Variants in GPR142 observed in about 807,000 individuals in gnomAD.
GPR142 encodes G-protein coupled receptor 142 long form.
In GPR142, 9 loss-of-function variants were observed where a neutral mutation model predicts 10.6. The ratio of observed to expected loss-of-function variants is 0.85; its 90% CI spans 0.51 to 1.48. The LOEUF (loss-of-function observed/expected upper bound fraction) is 1.48, where lower values mean the gene tolerates loss of function less well. Ranked by LOEUF, GPR142 falls within the 40% of genes most tolerant of loss-of-function variation. GPR142 has a pLI of 0.00. For synonymous variants in GPR142, 202 were observed against 221.2 expected, an observed-to-expected ratio of 0.91 and a Z score of 0.77; for missense variants, 482 against 506.0, an observed-to-expected ratio of 0.95 and a Z score of 0.45.
In GPR142 at chr17:74,371,659, G is replaced by A. The variant is rs534043425; in HGVS notation, c.254-70G>A. 299 of 1,464,586 alleles carry A rather than the reference G, an allele frequency of 2.0e-4. No individual in the cohort carries two copies. The African/African-American group carries it at 2.7e-3, about 13-fold the overall frequency. The allele number at this position is 1,464,586 out of a possible 1,614,324, so 90.7% of individuals were successfully genotyped here. A position where few individuals can be genotyped will look rare whatever the true frequency, so the allele number is the denominator to read the frequency against. On this transcript the variant is annotated intron_variant, in intron 3 of 3. Transcript: ENST00000582579. The stretch of plus-strand genomic sequence containing the variant: ...CATGCAGATGGGGAGGTGCGATGGC[G>A]ACACCTTGGAAAGCAGAGTCTGAGC...
In GPR142 at chr17:74,367,690, CAG is replaced by C. The variant is rs751967970; in HGVS notation, c.-177_-176del. On this transcript the variant is annotated 5_prime_UTR_variant, in exon 1 of 4. The change abolishes the stop of an existing upstream ORF in the 5' untranslated region. Coordinates refer to ENST00000582579, the MANE Select transcript of GPR142 (RefSeq NM_001331076.1). ...AGGTGGCTGAGGTCTCCACAGGTCA[CAG>C]GGGGAAGCTGGGACCTCCGAATAAG... 4 of 1,613,186 alleles carry C rather than the reference CAG, an allele frequency of 2.5e-6. No homozygotes were observed. The highest frequency in any genetic ancestry group is 1.3e-5 in the African/African-American group (1 of 74,424).
chr17:74,372,202 G>A lies in GPR142; in HGVS notation c.727G>A (p.Val243Ile), dbSNP rs955094874. 1.7e-5 allele frequency: 28 copies of A among 1,614,090 alleles called. No homozygotes were observed. Among genetic ancestry groups the A allele is most frequent in the Non-Finnish European group, 2.3e-5 (27 of 1,179,958 alleles). ...VYFIPCGVFLVTNSAIIHRLR... is the reference protein window; with the variant it reads ...VYFIPCGVFLITNSAIIHRLR... ...TTTCATCCCTTGTGGCGTGTTCCTG[G>A]TCACCAACTCGGCCATCATCCACCG... Residue 243 changes from valine (V) to isoleucine (I), a missense_variant, in exon 4 of 4, where the codon GTC becomes ATC. By Grantham distance (29) the Val-to-Ile change is conservative. Coordinates refer to ENST00000582579, the MANE Select transcript of GPR142 (RefSeq NM_001331076.1).
In GPR142 at chr17:74,371,732, G is replaced by C. The variant is rs770311614; in HGVS notation, c.257G>C (p.Ser86Thr). 1.9e-6 allele frequency: 3 copies of C among 1,594,470 alleles called. No individual in the cohort carries two copies. The Admixed American group carries it at 5.0e-5, about 27-fold the overall frequency. ...SVLLGLGLPV[S>T]LLTAVALARL... ...CCCTCACCTCGGCTGCCCTCAGTCA[G>C]CCTCCTGACCGCAGTGGCCCTGGCG... Residue 86 changes from serine to threonine, a missense_variant, in exon 4 of 4, where the codon AGC becomes ACC. Coordinates refer to ENST00000582579, the MANE Select transcript of GPR142 (RefSeq NM_001331076.1).
At position 74,369,468 on chromosome 17, in the gene GPR142, G is replaced by T; in HGVS notation, c.-73G>T. 6.4e-7 allele frequency: 1 copy of T among 1,556,142 alleles called. No individual in the cohort carries two copies. The highest frequency in any genetic ancestry group is 1.2e-5 in the South Asian group (1 of 84,412). On this transcript the variant is annotated splice_region_variant and 5_prime_UTR_variant, in exon 2 of 4. Coordinates refer to ENST00000582579, the MANE Select transcript of GPR142 (RefSeq NM_001331076.1). ...CCCGCCCCGCCCCCTGCACTAACAG[G>T]CTCAGTGTCTGCGTAAGGATCCTGG...
chr17:74,370,522 T>C lies in GPR142; in HGVS notation c.96T>C (p.Ala32=). ...QSMGLEGRET[A]GQPRVTLLPT... is the part of the protein sequence containing the mutation. ...ACTCTGCCCATCCGCACCTTCTAGC[T>C]GGCCAGCCACGAGTGACCCTGCTGC... Residue 32 remains alanine (A), a splice_region_variant and synonymous_variant, in exon 3 of 4, where the codon GCT becomes GCC. Transcript: ENST00000582579. 6.2e-7 allele frequency: 1 copy of C among 1,608,802 alleles called. No homozygotes were observed. The highest frequency in any genetic ancestry group is 8.5e-7 in the Non-Finnish European group (1 of 1,177,034).
chr17:74,372,108 G>A lies in GPR142; in HGVS notation c.633G>A (p.Met211Ile), dbSNP rs1207255815. ...TGIPFYWWLD[M>I]WRDTDSPRTL... The stretch of plus-strand genomic sequence containing the variant: ...TCCCCTTCTACTGGTGGCTGGACAT[G>A]TGGAGAGACACCGACTCACCCAGAA... The change falls in exon 4 of 4, where the codon ATG becomes ATA. Residue 211 changes from methionine to isoleucine, a missense_variant. Transcript: ENST00000582579. The A allele has an allele frequency of 6.2e-7, 1 of 1,614,228 alleles. No individual in the cohort carries two copies. The highest frequency in any genetic ancestry group is 1.7e-5 in the Admixed American group (1 of 60,028).
chr17:74,370,068 G>A (rs2055011058), intron 2 of GPR142, among the ~76,000 whole-genome samples: 1 of 152,212 alleles, frequency 6.6e-6, no homozygotes. Flanking sequence ...AGAGGTCCCT[G>A]TGTGTGGCTG....
In GPR142 at chr17:74,367,551, C is replaced by T; in HGVS notation, c.-317C>T. 6.2e-7 allele frequency: 1 copy of T among 1,614,054 alleles called. No homozygotes were observed. Among genetic ancestry groups the T allele is most frequent in the African/African-American group, 1.3e-5 (1 of 75,006 alleles). On this transcript the variant is annotated 5_prime_UTR_variant, in exon 1 of 4. Coordinates refer to ENST00000582579, the MANE Select transcript of GPR142 (RefSeq NM_001331076.1). The stretch of plus-strand genomic sequence containing the variant: ...CATGGAGCAAAAGATCCAGTGGGTC[C>T]CCACTTCCCTGCAGGACATCACTGC...
rs766050523 is a variant in GPR142, at chr17:74,372,422, T to C, written c.947T>C (p.Met316Thr). The C allele has an allele frequency of 8.7e-6, 14 of 1,613,918 alleles. No homozygotes were observed. Among genetic ancestry groups the C allele is most frequent in the Non-Finnish European group, 1.2e-5 (14 of 1,179,994 alleles). ...TTGGATGTGGCCAATATGGTGGCCA[T>C]GCTCCACACGGCAGCCAACTTCGGC... ...LALDVANMVA[M>T]LHTAANFGLY... is the part of the protein sequence containing the mutation. The change falls in exon 4 of 4, where the codon ATG becomes ACG. Residue 316 changes from methionine (M) to threonine (T), a missense_variant. Physicochemically the swap from Met to Thr is moderately conservative, Grantham distance 81 (BLOSUM62 -1). Coordinates refer to ENST00000582579, the MANE Select transcript of GPR142 (RefSeq NM_001331076.1).
Position 74,367,531 on chromosome 17 carries a change from A to G in GPR142, c.-337A>G. 1 of 1,614,056 alleles carries G rather than the reference A, an allele frequency of 6.2e-7. No homozygotes were observed. The highest frequency in any genetic ancestry group is 8.5e-7 in the Non-Finnish European group (1 of 1,179,972). Reference sequence around the variant, plus strand: ...ATGAGTATTATGATGTTGCCCATGGAGCAAAAGATCCAGTGGGTCCCCACT... The same window carrying G: ...ATGAGTATTATGATGTTGCCCATGGGGCAAAAGATCCAGTGGGTCCCCACT... On this transcript the variant is annotated 5_prime_UTR_variant, in exon 1 of 4. Transcript: ENST00000582579.
At chr17:74,368,098 C>T (rs2144335841) in intron 1 of GPR142, among the ~76,000 whole-genome samples, 1 of 152,308 alleles carries the variant, frequency 6.6e-6, no homozygotes, top group Non-Finnish European at 1.5e-5. Context: ...CTCGGCAACA[C>T]AGCGAGGCCC....
In GPR142 at chr17:74,369,635, G is replaced by GT. The variant is rs2055008341; in HGVS notation, c.94+2dup. ...ATGGGGCTTGAGGGACGAGAGACAGGTAAGGCATCTTGAAGTGGGGTGTGC... is the reference window on the plus strand; with the variant it reads ...ATGGGGCTTGAGGGACGAGAGACAGGTTAAGGCATCTTGAAGTGGGGTGTGC... On this transcript the variant is annotated splice_donor_variant, in intron 2 of 3. Transcript: ENST00000582579. LOFTEE classifies it high-confidence loss of function. The GT allele has an allele frequency of 6.5e-7, 1 of 1,544,560 alleles. No individual in the cohort carries two copies. The highest frequency in any genetic ancestry group is 1.4e-5 in the African/African-American group (1 of 72,478).
intron 1 of GPR142, 66 bp downstream of exon 1, chr17:74,367,860 T>G: frequency 2.2e-5 from 31 of 1,390,272 alleles, no homozygotes; most frequent in Non-Finnish European, 2.7e-5. Context: ...CCTCCATCTC[T>G]CCCTCTCCTC....
chr17:74,368,973 G>A (rs2055003313), intron 1 of GPR142, among the ~76,000 whole-genome samples: 1 of 151,884 alleles, frequency 6.6e-6, no homozygotes, highest in Non-Finnish European at 1.5e-5. Context: ...CTGTGCACCT[G>A]GTCCCCTGAG....
chr17:74,371,615 AG>A (rs2055025306), intron 3 of GPR142, 113 bp from the exon 4 acceptor site: 2 of 1,107,792 alleles, frequency 1.8e-6, no homozygotes, highest in Admixed American at 5.0e-5. Context: ...AAAAAAGAGA[AG>A]CCAGCGCAGC....
At position 74,372,206 on chromosome 17, in the gene GPR142, C is replaced by A; in HGVS notation, c.731C>A (p.Thr244Asn). The A allele has an allele frequency of 6.2e-7, 1 of 1,614,066 alleles. No individual in the cohort carries two copies. Among genetic ancestry groups the A allele is most frequent in the Non-Finnish European group, 8.5e-7 (1 of 1,179,922 alleles). Residue 244 changes from threonine to asparagine, a missense_variant, in exon 4 of 4, where the codon ACC (threonine) becomes AAC (asparagine). Transcript: ENST00000582579. Reference sequence around the variant, plus strand: ...ATCCCTTGTGGCGTGTTCCTGGTCACCAACTCGGCCATCATCCACCGGCTA... The same window carrying A: ...ATCCCTTGTGGCGTGTTCCTGGTCAACAACTCGGCCATCATCCACCGGCTA... ...YFIPCGVFLV[T>N]NSAIIHRLRR...
Position 74,371,833 on chromosome 17 carries a change from G to A in GPR142, c.358G>A (p.Val120Met). ...ALTASDIIIQ[V>M]VIVFAGFLLQ... Reference sequence around the variant, plus strand: ...CACAGCCTCGGATATCATCATCCAGGTGGTCATCGTGTTCGCGGGCTTCCT... The same window carrying A: ...CACAGCCTCGGATATCATCATCCAGATGGTCATCGTGTTCGCGGGCTTCCT... Residue 120 changes from valine (V) to methionine (M), a missense_variant, in exon 4 of 4, where the codon GTG becomes ATG. Val to Met is a conservative substitution (Grantham distance 21). Coordinates refer to ENST00000582579, the MANE Select transcript of GPR142 (RefSeq NM_001331076.1). 6.2e-7 allele frequency: 1 copy of A among 1,613,754 alleles called. No individual in the cohort carries two copies. Among genetic ancestry groups the A allele is most frequent in the Non-Finnish European group, 8.5e-7 (1 of 1,180,018 alleles).
At chr17:74,367,822 G>T in intron 1 of GPR142, 28 bp downstream of exon 1, 2 of 1,553,090 alleles carry the variant, frequency 1.3e-6, no homozygotes, top group Non-Finnish European at 1.7e-6. Context: ...CGTGCATGGG[G>T]CATCATTGTA....
intron 2 of GPR142, among the ~76,000 whole-genome samples, 198 bp from the exon 3 acceptor site, chr17:74,370,323 A>G (rs2055013657): frequency 6.6e-6 from 1 of 152,032 alleles, no homozygotes; most frequent in Middle Eastern, 3.4e-3. Flanking sequence ...CCACTGAGGG[A>G]GTGGGGTGAC....
Sources: allele counts gnomAD v4.1 joint callset (sites outside exome capture counted in the v4.1 genomes callset), GRCh38; gene constraint gnomAD v4.1.1; transcripts MANE v1.5; gene names NCBI Gene and HGNC (gene_info 2026-07-23, HGNC 2026-07-21).